The following LCORL variants were observed in gnomAD, a reference collection of about 807,000 sequenced individuals.
The protein encoded by LCORL is ligand dependent nuclear receptor corepressor like.
Under a neutral mutation model 141.8 loss-of-function variants are expected in LCORL, and 41 were observed. The observed-to-expected ratio is 0.29, with a 90% confidence interval of 0.23 to 0.38. The LOEUF is 0.38. Ranked by LOEUF, LCORL falls within the 10% of genes least tolerant of loss-of-function variation. LCORL has a pLI of 1.00. For synonymous variants in LCORL, 618 were observed against 694.1 expected, an observed-to-expected ratio of 0.89 and a Z score of 1.72; for missense variants, 1,759 against 2,035.0, an observed-to-expected ratio of 0.86 and a Z score of 2.61.
intron 4 of LCORL, among the ~76,000 whole-genome samples, chr4:17,952,404 C>T (rs1438098530): frequency 6.6e-6 from 1 of 150,728 alleles, no homozygotes; most frequent in Non-Finnish European, 1.5e-5. Context: ...TTTCTTTCCC[C>T]TCAAAAACAA....
At chr4:17,973,980 C>T (rs12511456) in intron 1 of LCORL, among the ~76,000 whole-genome samples, 36,834 of 151,824 alleles carry the variant, frequency 0.24, 5,813 homozygotes, top group African/African-American at 0.44. Flanking sequence ...ATAAAATCTT[C>T]TGTGAAATGA....
chr4:17,914,717 T>C (rs1355830821), intron 4 of LCORL, among the ~76,000 whole-genome samples: 1 of 152,224 alleles, frequency 6.6e-6, no homozygotes, highest in African/African-American at 2.4e-5. Flanking sequence ...ATCAGGCTAG[T>C]AGTAAACATT....
chr4:18,012,806 A>G (rs1336037740), intron 1 of LCORL, among the ~76,000 whole-genome samples: 2 of 152,188 alleles, frequency 1.3e-5, no homozygotes, highest in African/African-American at 4.8e-5. Flanking sequence ...TAACATATAA[A>G]AGAATCATGG....
intron 1 of LCORL, among the ~76,000 whole-genome samples, chr4:17,976,275 T>C (rs1447034245): frequency 1.3e-5 from 2 of 152,184 alleles, no homozygotes; most frequent in Non-Finnish European, 2.9e-5. Context: ...ATTAAAATAG[T>C]TGGATTTATA....
At chr4:17,908,447 T>C (rs958782860) in intron 5 of LCORL, among the ~76,000 whole-genome samples, 3 of 152,356 alleles carry the variant, frequency 2.0e-5, no homozygotes, top group Non-Finnish European at 1.5e-5. Context: ...TCCTAGTCCA[T>C]ATTAACAAAA....
chr4:17,849,381 T>C (rs1284382167), intron 7 of LCORL, among the ~76,000 whole-genome samples: 1 of 152,106 alleles, frequency 6.6e-6, no homozygotes, highest in African/African-American at 2.4e-5. Flanking sequence ...AATCTGCTGT[T>C]CTGCAGCCAC....
chr4:17,894,170 T>C (rs1337965293), intron 5 of LCORL, among the ~76,000 whole-genome samples: 1 of 152,040 alleles, frequency 6.6e-6, no homozygotes, highest in Non-Finnish European at 1.5e-5. Flanking sequence ...CCACTGTAAA[T>C]AAAAAAATAT....
intron 1 of LCORL, among the ~76,000 whole-genome samples, chr4:17,986,587 G>A (rs770566013): frequency 5.9e-5 from 9 of 152,148 alleles, no homozygotes; most frequent in Non-Finnish European, 1.3e-4. Flanking sequence ...TTCTTGTAGT[G>A]TGTTTTTCTG....
chr4:17,893,527 G>A, intron 5 of LCORL: 1 of 985,324 alleles, frequency 1.0e-6, no homozygotes, highest in Non-Finnish European at 1.2e-6. Flanking sequence ...TGCACAGGTA[G>A]ATATTCTTCA....
chr4:17,843,323 A>G (rs1722609972), exon 8 of LCORL: 1 of 1,611,758 alleles, frequency 6.2e-7, no homozygotes, highest in South Asian at 1.1e-5. Flanking sequence ...TTCCAGAACC[A>G]GAATCAGAAA....
chr4:17,961,182 C>T lies in LCORL; in HGVS notation c.430+721G>A, dbSNP rs1713712692. On this transcript the variant is annotated intron_variant, in intron 4 of 7. Transcript: ENST00000635767. Reference sequence around the variant, plus strand: ...AATAATCCCCCAACCTAAACATGCACCATAACTTAATCCAAAGGTCCAGGT... The same window carrying T: ...AATAATCCCCCAACCTAAACATGCATCATAACTTAATCCAAAGGTCCAGGT... Among the ~76,000 whole-genome samples, 4 of 151,982 alleles carry T rather than the reference C, an allele frequency of 2.6e-5. No homozygotes were observed. The South Asian group carries it at 6.2e-4, about 24-fold the overall frequency.
At chr4:17,867,311 A>C (rs1725794265) in intron 7 of LCORL, among the ~76,000 whole-genome samples, 1 of 152,080 alleles carries the variant, frequency 6.6e-6, no homozygotes, top group Non-Finnish European at 1.5e-5. Context: ...TTGTAGTGAT[A>C]CGAACAGAGT....
At chr4:17,999,912 T>C (rs369381375) in intron 1 of LCORL, among the ~76,000 whole-genome samples, 9 of 152,200 alleles carry the variant, frequency 5.9e-5, no homozygotes, top group African/African-American at 2.2e-4. Context: ...TTGTTAAATG[T>C]CCCACAAGTT....
At chr4:17,880,362 T>C in intron 6 of LCORL, 1 of 713,724 alleles carries the variant, frequency 1.4e-6, no homozygotes, top group Non-Finnish European at 1.7e-6. Flanking sequence ...GAATTTATTC[T>C]CAGGTGATTA....
At chr4:17,962,799 G>A (rs1714102836) in intron 3 of LCORL, among the ~76,000 whole-genome samples, 171 bp downstream of exon 3, 1 of 151,918 alleles carries the variant, frequency 6.6e-6, no homozygotes, top group Non-Finnish European at 1.5e-5. Flanking sequence ...TGCAAGTTAA[G>A]CTAAATGTTA....
At chr4:17,969,700 C>A (rs1431144989) in intron 2 of LCORL, among the ~76,000 whole-genome samples, 3 of 152,096 alleles carry the variant, frequency 2.0e-5, no homozygotes, top group Non-Finnish European at 4.4e-5. Context: ...ATTCTTGATT[C>A]TTTAGATTTT....
At chr4:17,859,296 C>A (rs753767323) in intron 7 of LCORL, among the ~76,000 whole-genome samples, 2 of 152,116 alleles carry the variant, frequency 1.3e-5, no homozygotes, top group Non-Finnish European at 2.9e-5. Context: ...ATTAAATGAA[C>A]TTTTGACTTA....
rs537355161 is a variant in LCORL, at chr4:17,913,862, C to T, written c.431-4517G>A. On this transcript the variant is annotated intron_variant, in intron 4 of 7. Transcript: ENST00000635767. ...GACATGGTTAAATTCCCAGTTCTTT[C>T]CAGTATGGACTAAATGGCTGGTATC... is the stretch of plus-strand genomic sequence containing the variant. Among the ~76,000 whole-genome samples, 14 of 152,344 alleles carry T rather than the reference C, an allele frequency of 9.2e-5. No homozygotes were observed. The South Asian group carries it at 2.9e-3, about 32-fold the overall frequency.
chr4:17,936,852 CA>C (rs1736951117), intron 4 of LCORL, among the ~76,000 whole-genome samples: 1 of 152,074 alleles, frequency 6.6e-6, no homozygotes, highest in African/African-American at 2.4e-5. Flanking sequence ...CCCCCAACTC[CA>C]AATGTCTCTT....
Sources: allele counts gnomAD v4.1 joint callset (sites outside exome capture counted in the v4.1 genomes callset), GRCh38; gene constraint gnomAD v4.1.1; transcripts MANE v1.5; gene names NCBI Gene and HGNC (gene_info 2026-07-23, HGNC 2026-07-21).